MTUS2: variants seen among roughly 807,000 people sequenced by gnomAD.
MTUS2 encodes the protein microtubule-associated tumor suppressor candidate 2.
A neutral mutation model predicts 114.1 loss-of-function variants in MTUS2; 40 were observed. The observed-to-expected ratio is 0.35, with a 90% CI of 0.27 to 0.46. MTUS2 has a LOEUF of 0.46. Among genes scored for constraint, MTUS2 ranks in the 20% least tolerant of loss-of-function variants. The pLI, the probability that MTUS2 is intolerant of heterozygous loss-of-function variation, is 1.00. For synonymous variants in MTUS2, 688 were observed against 672.0 expected, an observed-to-expected ratio of 1.02 and a Z score of -0.37; for missense variants, 1,679 against 1,705.4, an observed-to-expected ratio of 0.98 and a Z score of 0.27.
intron 5 of MTUS2, among the ~76,000 whole-genome samples, chr13:29,141,229 G>C (rs1284569113): frequency 6.6e-6 from 1 of 152,176 alleles, no homozygotes; most frequent in South Asian, 2.1e-4. Context: ...CAGTGGAGCA[G>C]ACAGACAGGT....
chr13:28,883,272 T>C (rs1230446917), intron 2 of MTUS2, among the ~76,000 whole-genome samples: 1 of 152,236 alleles, frequency 6.6e-6, no homozygotes, highest in Non-Finnish European at 1.5e-5. Flanking sequence ...ATGTACTAAC[T>C]ACACAACTCG....
At position 29,330,563 on chromosome 13, in the gene MTUS2, T is replaced by G. The variant is rs534984292; in HGVS notation, c.2905+5852T>G. 2.0e-5 allele frequency among the ~76,000 whole-genome samples: 3 copies of G among 152,330 alleles called. No individual in the cohort carries two copies. In the East Asian group the frequency reaches 5.8e-4, roughly 29 times the overall value. Reference sequence around the variant, plus strand: ...GTTTTCTTTTAGGGTTTTTGTGGGTTTAGGTCTTATGTTTAAGTCTTTAAT... The same window carrying G: ...GTTTTCTTTTAGGGTTTTTGTGGGTGTAGGTCTTATGTTTAAGTCTTTAAT... On this transcript the variant is annotated intron_variant, in intron 7 of 15. Coordinates refer to ENST00000612955, the MANE Select transcript of MTUS2 (RefSeq NM_001033602.4).
intron 5 of MTUS2, among the ~76,000 whole-genome samples, chr13:29,268,148 GTT>G: frequency 6.6e-6 from 1 of 151,990 alleles, no homozygotes. Flanking sequence ...CCCTCCCCTA[GTT>G]CCCCACCCCC....
At position 29,502,986 on chromosome 13, in the gene MTUS2, C is replaced by A. The variant is rs761017737; in HGVS notation, c.3897-7C>A. The A allele has an allele frequency of 4.8e-5, 77 of 1,613,616 alleles. No individual in the cohort carries two copies. In the South Asian group the frequency reaches 8.4e-4, roughly 18 times the overall value. ...ATTGCTACTTATTTGTCATTGTGCC[C>A]ATGCAGACAGCTGTCGGAGGAAAAT... On this transcript the variant is annotated splice_region_variant and splice_polypyrimidine_tract_variant and intron_variant, in intron 15 of 15. Transcript: ENST00000612955.
rs75593726 is a variant in MTUS2 at position 29,112,011 on chromosome 13, C to T, written c.2644+11041C>T. ...TTGAGAAGCATTCCTATAACTACAT[C>T]CAGCAGACATCCATCCTATAACTAC... On this transcript the variant is annotated intron_variant, in intron 5 of 15. Transcript: ENST00000612955. Among the ~76,000 whole-genome samples, 13 of 152,286 alleles carry T rather than the reference C, an allele frequency of 8.5e-5. No individual in the cohort carries two copies. The East Asian group carries it at 2.3e-3, about 27-fold the overall frequency.
At chr13:29,330,528 T>G (rs1900726542) in intron 7 of MTUS2, among the ~76,000 whole-genome samples, 3 of 152,216 alleles carry the variant, frequency 2.0e-5, no homozygotes, top group Admixed American at 2.0e-4. Context: ...TCCTGAATAT[T>G]ATTGCCTGGG....
At chr13:29,491,115 AGT>A (rs553373234) in intron 11 of MTUS2, among the ~76,000 whole-genome samples, 237 of 147,078 alleles carry the variant, frequency 1.6e-3, no homozygotes, top group African/African-American at 5.7e-3. Flanking sequence ...TAGTGTGTGC[AGT>A]GTGTGGGTGT....
chr13:29,455,295 G>C (rs1021699380), intron 9 of MTUS2, among the ~76,000 whole-genome samples: 1 of 152,152 alleles, frequency 6.6e-6, no homozygotes, highest in Admixed American at 6.5e-5. Context: ...GCCTGCAGGG[G>C]GCAGCTGAAG....
intron 2 of MTUS2, among the ~76,000 whole-genome samples, chr13:28,900,347 G>A (rs924503731): frequency 6.6e-6 from 1 of 152,062 alleles, no homozygotes; most frequent in South Asian, 2.1e-4. Context: ...ATCAGTGTGG[G>A]TTCATGTATC....
intron 10 of MTUS2, among the ~76,000 whole-genome samples, chr13:29,486,623 A>T (rs1020296817): frequency 6.6e-6 from 1 of 152,230 alleles, no homozygotes; most frequent in African/African-American, 2.4e-5. Context: ...CCAAGTTTTG[A>T]TGCATTATTA....
At chr13:29,189,416 T>C (rs1020515225) in intron 5 of MTUS2, among the ~76,000 whole-genome samples, 1 of 152,180 alleles carries the variant, frequency 6.6e-6, no homozygotes, top group Non-Finnish European at 1.5e-5. Flanking sequence ...TTACAACAGC[T>C]CTTCGTGTTA....
chr13:29,407,686 C>T (rs1260091615), intron 8 of MTUS2, among the ~76,000 whole-genome samples: 1 of 151,888 alleles, frequency 6.6e-6, no homozygotes, highest in Non-Finnish European at 1.5e-5. Context: ...ACCATGTTGG[C>T]CAGGCTGGTC....
rs539843936 is a variant in MTUS2 at position 29,465,314 on chromosome 13, G to A, written c.3185-14836G>A. ...GGTGCAATCCTCATTTTATAGATAA[G>A]GACGGTGAGGCTTAGAGGGCTTAAC... On this transcript the variant is annotated intron_variant, in intron 9 of 15. Coordinates refer to ENST00000612955, the MANE Select transcript of MTUS2 (RefSeq NM_001033602.4). 9.2e-5 allele frequency among the ~76,000 whole-genome samples: 14 copies of A among 152,258 alleles called. No individual in the cohort carries two copies. In the South Asian group the frequency reaches 2.9e-3, roughly 32 times the overall value.
intron 4 of MTUS2, among the ~76,000 whole-genome samples, chr13:29,052,707 A>C (rs1565981098): frequency 6.6e-6 from 1 of 152,158 alleles, no homozygotes; most frequent in African/African-American, 2.4e-5. Context: ...AGGGAAAGTA[A>C]TGACTTTTTT....
intron 8 of MTUS2, among the ~76,000 whole-genome samples, chr13:29,360,968 G>A (rs986137641): frequency 6.6e-6 from 1 of 152,128 alleles, no homozygotes; most frequent in Non-Finnish European, 1.5e-5. Flanking sequence ...GATGGACAAA[G>A]CAATAGATAT....
At chr13:28,859,340 G>T (rs184245158) in intron 2 of MTUS2, among the ~76,000 whole-genome samples, 14 of 152,286 alleles carry the variant, frequency 9.2e-5, no homozygotes, top group Admixed American at 9.1e-4. Flanking sequence ...GGCATGGCTG[G>T]GTTCTTCAGA....
intron 4 of MTUS2, among the ~76,000 whole-genome samples, chr13:29,100,094 GTA>G (rs1179990058): frequency 3.9e-5 from 6 of 152,204 alleles, no homozygotes; most frequent in African/African-American, 1.4e-4. Context: ...GGTATAAGCA[GTA>G]ATATTTATAC....
chr13:29,328,203 A>T (rs1041226838), intron 7 of MTUS2, among the ~76,000 whole-genome samples: 2 of 152,190 alleles, frequency 1.3e-5, no homozygotes, highest in African/African-American at 4.8e-5. Flanking sequence ...ATGAAAATAC[A>T]TTTGATAATA....
chr13:28,878,045 G>C lies in MTUS2; in HGVS notation c.-243+38195G>C, dbSNP rs146971320. On this transcript the variant is annotated intron_variant, in intron 2 of 15. Transcript: ENST00000612955. ...CATTATGATGCCAAGTTGAGCGTTT[G>C]AGTAGTGGCTGGTGGATTAGGGTGC... Among the ~76,000 whole-genome samples, 120 of 152,248 alleles carry C rather than the reference G, an allele frequency of 7.9e-4. 1 individual carries two copies. The highest frequency in any genetic ancestry group is 6.7e-3 in the Admixed American group (102 of 15,294).
Sources: gnomAD v4.1 joint callset for allele counts (sites outside exome capture counted in the v4.1 genomes callset) on GRCh38, gnomAD v4.1.1 for gene constraint, MANE v1.5 for transcripts, NCBI Gene and HGNC (gene_info 2026-07-23, HGNC 2026-07-21) for gene names.